Variants in LHX4 observed in about 807,000 individuals in gnomAD.
The protein encoded by LHX4 is LIM homeobox 4.
A neutral mutation model predicts 39.2 loss-of-function variants in LHX4; 16 were observed. That is an observed-to-expected ratio of 0.41 (90% CI 0.28 to 0.62). LHX4 has a LOEUF of 0.62. Among genes scored for constraint, LHX4 ranks in the 20% least tolerant of loss-of-function variants. The pLI, the probability that LHX4 is intolerant of heterozygous loss-of-function variation, is 0.33. For missense variants in LHX4, 439 were observed against 511.9 expected (o/e 0.86, Z 1.37); for synonymous variants, 206 against 198.1 (o/e 1.04, Z -0.33).
intron 2 of LHX4, among the ~76,000 whole-genome samples, chr1:180,249,124 T>G (rs186772700): frequency 3.1e-4 from 47 of 152,378 alleles, no homozygotes; most frequent in Non-Finnish European, 6.2e-4. Context: ...AGTTTGTTTA[T>G]CTGTAAAATG....
In LHX4 at chr1:180,272,031, C is replaced by T. The variant is rs142887016; in HGVS notation, c.778+25C>T. 4.5e-3 allele frequency: 7,267 copies of T among 1,600,612 alleles called. 20 individuals are homozygous for T. The highest frequency in any genetic ancestry group is 0.024 in the Middle Eastern group (121 of 5,006). On this transcript the variant is annotated intron_variant, in intron 5 of 5. Transcript: ENST00000263726. ...GGTGAGCAGGGCTGGAGGGGCCAGG[C>T]CGAGGCCTTAGGAAAGTCCCCTGGG... is the stretch of plus-strand genomic sequence containing the variant.
intron 1 of LHX4, among the ~76,000 whole-genome samples, chr1:180,233,481 G>A (rs1317592723): frequency 2.6e-5 from 4 of 152,238 alleles, no homozygotes; most frequent in African/African-American, 9.6e-5. Context: ...CTGACCCGGG[G>A]CCGTGTTGGG....
rs1240133782 is a variant in LHX4, at chr1:180,278,042, G to A, written c.*3463G>A. On this transcript the variant is annotated 3_prime_UTR_variant, in exon 6 of 6. Coordinates refer to ENST00000263726, the MANE Select transcript of LHX4 (RefSeq NM_033343.4). The stretch of plus-strand genomic sequence containing the variant: ...TTCCAACTGCCTCTTTACAGGAGGG[G>A]GCTCAAGGCTTCTGATGAGCAAAGG... 1 of 152,138 alleles carries A rather than the reference G, an allele frequency of 6.6e-6. No individual in the cohort carries two copies. 9.4% of individuals were successfully genotyped at this position (152,138 alleles called of 1,614,324 possible). A position where few individuals can be genotyped will look rare whatever the true frequency, so the allele number is the denominator to read the frequency against.
At chr1:180,263,091 G>A (rs1042877489) in intron 2 of LHX4, among the ~76,000 whole-genome samples, 1 of 152,198 alleles carries the variant, frequency 6.6e-6, no homozygotes, top group Non-Finnish European at 1.5e-5. Context: ...GTGTTAAGGG[G>A]TGCTGCTTGG....
At chr1:180,246,904 G>A (rs552907186) in intron 1 of LHX4, among the ~76,000 whole-genome samples, 12 of 152,300 alleles carry the variant, frequency 7.9e-5, no homozygotes, top group East Asian at 3.9e-4. Flanking sequence ...GCCAGGCACC[G>A]TGCTAGGCAG....
rs190178446 is a variant in LHX4, at chr1:180,266,716, G to A, written c.451+122G>A. The A allele has an allele frequency of 5.1e-4, 482 of 949,972 alleles. 7 individuals carry two copies. Among genetic ancestry groups the A allele is most frequent in the South Asian group, 3.2e-3 (228 of 71,620 alleles). The allele number at this position is 949,972 out of a possible 1,614,324, so 58.8% of individuals were successfully genotyped here. A position where few individuals can be genotyped will look rare whatever the true frequency, so the allele number is the denominator to read the frequency against. On this transcript the variant is annotated intron_variant, in intron 3 of 5. Transcript: ENST00000263726. The surrounding 1 kb of genome is among the most constrained non-coding windows in gnomAD (Gnocchi z 5.7). ...TCCCTCAGAGCCCTACTCATGCACC[G>A]CCACCTCTGAGAAGCGTCCCAGATC...
In LHX4 at chr1:180,230,781, G is replaced by A. The variant is rs1370841954; in HGVS notation, c.76+176G>A. ...TGCGTTTGAGGGGGCCAGGCTCTTG[G>A]CTGTTTGGGGCCGAATGTGAACGCC... On this transcript the variant is annotated intron_variant, in intron 1 of 5. Coordinates refer to ENST00000263726, the MANE Select transcript of LHX4 (RefSeq NM_033343.4). This position sits in a 1 kb window ranked among gnomAD's most constrained non-coding sequence, Gnocchi z 5.8. Among the ~76,000 whole-genome samples the A allele has an allele frequency of 6.6e-6, 1 of 152,170 alleles. No homozygotes were observed. Among genetic ancestry groups the A allele is most frequent in the Non-Finnish European group, 1.5e-5 (1 of 68,016 alleles).
Position 180,234,520 on chromosome 1 carries a change from G to C in LHX4, c.76+3915G>C, listed in dbSNP as rs924767768. ...ACAGCGGATGGCTGAGGACTCCCAA[G>C]GGGCGAGAGGGCTCCGGCCTCCTCC... On this transcript the variant is annotated intron_variant, in intron 1 of 5. Transcript: ENST00000263726. This position sits in a 1 kb window ranked among gnomAD's most constrained non-coding sequence, Gnocchi z 4.8. Among the ~76,000 whole-genome samples, 9 of 152,182 alleles carry C rather than the reference G, an allele frequency of 5.9e-5. No homozygotes were observed. The highest frequency in any genetic ancestry group is 2.0e-4 in the Admixed American group (3 of 15,292).
intron 2 of LHX4, among the ~76,000 whole-genome samples, chr1:180,255,312 G>A (rs1445220586): frequency 1.3e-5 from 2 of 152,254 alleles, no homozygotes; most frequent in Non-Finnish European, 2.9e-5. Flanking sequence ...GGCCATGCAG[G>A]CATGATCGTG....
intron 1 of LHX4, among the ~76,000 whole-genome samples, chr1:180,242,030 T>C (rs983928867): frequency 6.6e-6 from 1 of 152,048 alleles, no homozygotes; most frequent in Non-Finnish European, 1.5e-5. Context: ...TTGCCCAGGC[T>C]GATCTCCCAG....
intron 1 of LHX4, among the ~76,000 whole-genome samples, chr1:180,238,273 A>G (rs1664371082): frequency 6.6e-6 from 1 of 152,234 alleles, no homozygotes; most frequent in African/African-American, 2.4e-5. Flanking sequence ...AAGCCACCAA[A>G]TAAAGCAAAC....
At chr1:180,243,160 T>TC (rs1647232040) in intron 1 of LHX4, among the ~76,000 whole-genome samples, 1 of 152,122 alleles carries the variant, frequency 6.6e-6, no homozygotes, top group East Asian at 1.9e-4. Flanking sequence ...GGCTAATTTT[T>TC]GTTTTTTTAG....
intron 2 of LHX4, among the ~76,000 whole-genome samples, chr1:180,261,468 T>C (rs1389986500): frequency 3.3e-5 from 5 of 152,174 alleles, no homozygotes; most frequent in African/African-American, 7.2e-5. Flanking sequence ...CTCGGCAACA[T>C]AGTAGGACCC....
In LHX4 at chr1:180,278,646, T is replaced by C. The variant is rs1649189497; in HGVS notation, c.*4067T>C. The C allele has an allele frequency of 6.6e-6, 1 of 151,180 alleles. No individual in the cohort carries two copies. The highest frequency in any genetic ancestry group is 2.1e-4 in the South Asian group (1 of 4,764). 9.4% of individuals were successfully genotyped at this position (151,180 alleles called of 1,614,324 possible). A position where few individuals can be genotyped will look rare whatever the true frequency, so the allele number is the denominator to read the frequency against. On this transcript the variant is annotated 3_prime_UTR_variant, in exon 6 of 6. Transcript: ENST00000263726. ...GCAAGAATCACACCAACTTTCCCAC[T>C]TGAGGACTGTGTTCGGCCAAACAAG...
intron 1 of LHX4, among the ~76,000 whole-genome samples, chr1:180,237,078 TTC>T (rs959909787): frequency 6.6e-6 from 1 of 152,186 alleles, no homozygotes; most frequent in Non-Finnish European, 1.5e-5. Context: ...TGGCTTGAAT[TTC>T]TCTTTCTTCC....
At chr1:180,261,727 T>C (rs1035278137) in intron 2 of LHX4, among the ~76,000 whole-genome samples, 2 of 152,022 alleles carry the variant, frequency 1.3e-5, no homozygotes, top group Non-Finnish European at 2.9e-5. Flanking sequence ...CAGGCAGAGA[T>C]TTGGGGTGAG....
Position 180,266,269 on chromosome 1 carries a change from C to T in LHX4, c.249-123C>T. The T allele has an allele frequency of 1.1e-6, 1 of 899,140 alleles. No homozygotes were observed. Among genetic ancestry groups the T allele is most frequent in the Admixed American group, 1.8e-5 (1 of 55,736 alleles). The allele number at this position is 899,140 out of a possible 1,614,324, so 55.7% of individuals were successfully genotyped here. ...GGACCAGACGGTAAGCTCTGGGTGA[C>T]TGGGGGGTGAGGCTCATGGAGTCCC... On this transcript the variant is annotated intron_variant, in intron 2 of 5. Transcript: ENST00000263726. This position sits in a 1 kb window ranked among gnomAD's most constrained non-coding sequence, Gnocchi z 5.7.
chr1:180,258,042 C>T (rs549157657), intron 2 of LHX4, among the ~76,000 whole-genome samples: 1 of 152,384 alleles, frequency 6.6e-6, no homozygotes, highest in African/African-American at 2.4e-5. Flanking sequence ...GCACTGAGCA[C>T]ATATCGTCAG....
At chr1:180,264,962 G>T (rs988974195) in intron 2 of LHX4, among the ~76,000 whole-genome samples, 1 of 152,162 alleles carries the variant, frequency 6.6e-6, no homozygotes, top group Admixed American at 6.5e-5. Flanking sequence ...CTTTTCTCTG[G>T]GATGCTGTGT....
Sources: gnomAD v4.1 joint callset for allele counts (sites outside exome capture counted in the v4.1 genomes callset) on GRCh38, gnomAD v4.1.1 for gene constraint, Gnocchi (gnomAD v3.1) non-coding constraint, MANE v1.5 for transcripts, NCBI Gene and HGNC (gene_info 2026-07-23, HGNC 2026-07-21) for gene names.